Variants in ANKS1A observed in about 807,000 individuals in gnomAD.
ANKS1A encodes ankyrin repeat and sterile alpha motif domain containing 1A.
Under a neutral mutation model 120.3 loss-of-function variants are expected in ANKS1A, and 55 were observed. That is an observed-to-expected ratio of 0.46 (90% CI 0.37 to 0.57). The LOEUF is 0.57. ANKS1A is among the 20% of genes least tolerant of loss of function. The probability of loss-of-function intolerance (pLI) is 0.00; values close to 1 mark genes in which losing one functional copy is unlikely to be tolerated. For missense variants in ANKS1A, 1,123 were observed against 1,480.3 expected (o/e 0.76, Z 3.96); for synonymous variants, 590 against 604.7 (o/e 0.98, Z 0.36).
At chr6:35,081,235 T>C (rs1022060349) in intron 17 of ANKS1A, 77 bp downstream of exon 17, 37 of 1,463,126 alleles carry the variant, frequency 2.5e-5, no homozygotes, top group Non-Finnish European at 3.3e-5. Flanking sequence ...CAGAACCACC[T>C]GCTGCCCCAT....
Position 34,889,559 on chromosome 6 carries a change from G to GGCC in ANKS1A, c.158_160dup (p.Gly53_Leu54insArg). On this transcript the variant is annotated inframe_insertion, in exon 1 of 24. Coordinates refer to ENST00000360359, the MANE Select transcript of ANKS1A (RefSeq NM_015245.3). This position sits in a 1 kb window ranked among gnomAD's most constrained non-coding sequence, Gnocchi z 5.5. Reference sequence around the variant, plus strand: ...CGGCGGCAGCGGCGGCGGCGGCGGCGGCCTCGGCTCTTCCAGCCACCCCCT... The same window carrying GGCC: ...CGGCGGCAGCGGCGGCGGCGGCGGCGGCCGCCTCGGCTCTTCCAGCCACCCCCT... 6 of 1,273,222 alleles carry GGCC rather than the reference G, an allele frequency of 4.7e-6. No individual in the cohort carries two copies. Among genetic ancestry groups the GGCC allele is most frequent in the Non-Finnish European group, 5.9e-6 (6 of 1,019,780 alleles). 78.9% of individuals were successfully genotyped at this position (1,273,222 alleles called of 1,614,324 possible).
chr6:35,087,871 C>T (rs978764749), intron 23 of ANKS1A, among the ~76,000 whole-genome samples: 1 of 152,242 alleles, frequency 6.6e-6, no homozygotes, highest in Non-Finnish European at 1.5e-5. Flanking sequence ...TGTGTGTGGA[C>T]AGCCCCTCTA....
chr6:35,065,265 ATCAC>A (rs1424452961), intron 13 of ANKS1A, among the ~76,000 whole-genome samples: 1 of 152,132 alleles, frequency 6.6e-6, no homozygotes, highest in Non-Finnish European at 1.5e-5. Context: ...ACCAGCTGGA[ATCAC>A]TCAGGAGCCC....
In ANKS1A at chr6:35,052,934, A is replaced by AGGCAGTCAGATGACAGCCTGAGCC. The variant is rs1776041598; in HGVS notation, c.2011-1164_2011-1141dup. Among the ~76,000 whole-genome samples, 3 of 152,144 alleles carry AGGCAGTCAGATGACAGCCTGAGCC rather than the reference A, an allele frequency of 2.0e-5. No individual in the cohort carries two copies. In the South Asian group the frequency reaches 6.2e-4, roughly 32 times the overall value. ...GGAAGGAGCTTGCAGTCTGGTTAAC[A>AGGCAGTCAGATGACAGCCTGAGCC]GGCAGTCAGATGACAGCCTGAGCCA... On this transcript the variant is annotated intron_variant, in intron 11 of 23. Transcript: ENST00000360359.
intron 10 of ANKS1A, among the ~76,000 whole-genome samples, chr6:34,999,267 C>T (rs1773025235): frequency 6.6e-6 from 1 of 152,190 alleles, no homozygotes; most frequent in Non-Finnish European, 1.5e-5. Context: ...GGAAGCATGG[C>T]CTGATCACCC....
intron 1 of ANKS1A, among the ~76,000 whole-genome samples, chr6:34,956,944 T>C (rs931256666): frequency 4.6e-5 from 7 of 152,104 alleles, no homozygotes; most frequent in African/African-American, 1.7e-4. Flanking sequence ...AAGTCCCAGT[T>C]TTCAGCCCCT....
intron 1 of ANKS1A, among the ~76,000 whole-genome samples, chr6:34,955,239 T>C (rs1184833989): frequency 1.3e-5 from 2 of 151,716 alleles, no homozygotes; most frequent in Non-Finnish European, 2.9e-5. Flanking sequence ...CAGGTTCAAG[T>C]GATTCTCCTG....
chr6:35,054,199 A>T, intron 12 of ANKS1A, 34 bp downstream of exon 12: 2 of 1,605,238 alleles, frequency 1.2e-6, no homozygotes, highest in South Asian at 2.2e-5. Flanking sequence ...CCCCACAGAA[A>T]CTGGCAGTCT....
At chr6:34,986,227 A>G (rs768401111) in intron 8 of ANKS1A, among the ~76,000 whole-genome samples, 2 of 152,258 alleles carry the variant, frequency 1.3e-5, no homozygotes, top group Non-Finnish European at 2.9e-5. Context: ...CTTTCCCACG[A>G]TGATAAGGTT....
intron 1 of ANKS1A, among the ~76,000 whole-genome samples, chr6:34,958,621 A>T (rs574322584): frequency 3.3e-5 from 5 of 152,172 alleles, no homozygotes; most frequent in Admixed American, 6.5e-5. Flanking sequence ...GAATCTCTTC[A>T]GCGGCATACA....
chr6:34,893,655 A>G (rs1766929291), intron 1 of ANKS1A, among the ~76,000 whole-genome samples: 1 of 152,166 alleles, frequency 6.6e-6, no homozygotes, highest in African/African-American at 2.4e-5. Flanking sequence ...CTCTTCATAC[A>G]TGTTCTGTTC....
chr6:35,006,187 TAAAAAAAAA>T (rs35521731), intron 10 of ANKS1A, among the ~76,000 whole-genome samples: 1 of 128,294 alleles, frequency 7.8e-6, no homozygotes, highest in African/African-American at 3.0e-5. Flanking sequence ...GACTCTGTCT[TAAAAAAAAA>T]AAAAAAAAAA....
chr6:34,922,723 C>A (rs1200055915), intron 1 of ANKS1A, among the ~76,000 whole-genome samples: 3 of 136,212 alleles, frequency 2.2e-5, no homozygotes, highest in African/African-American at 8.5e-5. Context: ...GTGACGGAGT[C>A]TCACTCTGTA....
chr6:34,913,361 G>C (rs981028946), intron 1 of ANKS1A, among the ~76,000 whole-genome samples: 1 of 152,170 alleles, frequency 6.6e-6, no homozygotes, highest in Non-Finnish European at 1.5e-5. Flanking sequence ...GGGTTTTGCT[G>C]TGTTGCCTAG....
Position 34,889,567 on chromosome 6 carries a change from C to G in ANKS1A, c.165C>G (p.Gly55=). 7.8e-7 allele frequency: 1 copy of G among 1,284,474 alleles called. No homozygotes were observed. Among genetic ancestry groups the G allele is most frequent in the Non-Finnish European group, 9.7e-7 (1 of 1,026,174 alleles). 79.6% of individuals were successfully genotyped at this position (1,284,474 alleles called of 1,614,324 possible). A position where few individuals can be genotyped will look rare whatever the true frequency, so the allele number is the denominator to read the frequency against. Residue 55 remains glycine (G), a synonymous_variant, in exon 1 of 24, where the codon GGC becomes GGG. Coordinates refer to ENST00000360359, the MANE Select transcript of ANKS1A (RefSeq NM_015245.3). The surrounding 1 kb of genome is among the most constrained non-coding windows in gnomAD (Gnocchi z 5.5). The part of the protein sequence containing the change: ...GGSGGGGGGL[G]SSSHPLSSLL... The stretch of plus-strand genomic sequence containing the variant: ...GCGGCGGCGGCGGCGGCGGCCTCGG[C>G]TCTTCCAGCCACCCCCTCTCCAGTC...
chr6:34,945,077 A>G (rs1769722428), intron 1 of ANKS1A, among the ~76,000 whole-genome samples: 1 of 151,926 alleles, frequency 6.6e-6, no homozygotes, highest in Non-Finnish European at 1.5e-5. Context: ...GATCTATTTT[A>G]TTTTATTTTA....
chr6:34,947,161 T>C (rs1262108608), intron 1 of ANKS1A, among the ~76,000 whole-genome samples: 1 of 149,316 alleles, frequency 6.7e-6, no homozygotes. Context: ...TTTTTTTTTT[T>C]TTGAGATGGA....
intron 10 of ANKS1A, among the ~76,000 whole-genome samples, chr6:35,014,006 C>T (rs186253842): frequency 1.9e-3 from 285 of 152,292 alleles, no homozygotes; most frequent in African/African-American, 6.3e-3. Context: ...ATTTAATTAC[C>T]GCAACAATCC....
intron 8 of ANKS1A, among the ~76,000 whole-genome samples, chr6:34,986,470 C>T (rs1772207756): frequency 6.6e-6 from 1 of 152,226 alleles, no homozygotes; most frequent in African/African-American, 2.4e-5. Flanking sequence ...GATCCTAGTG[C>T]TAACCCCATC....
Sources: gnomAD v4.1 joint callset for allele counts (sites outside exome capture counted in the v4.1 genomes callset) on GRCh38, gnomAD v4.1.1 for gene constraint, Gnocchi (gnomAD v3.1) non-coding constraint, MANE v1.5 for transcripts, NCBI Gene and HGNC (gene_info 2026-07-23, HGNC 2026-07-21) for gene names.